NPHS1: variants seen among roughly 807,000 people sequenced by gnomAD.
The protein encoded by NPHS1 is nephrin.
NPHS1 carries 107 observed loss-of-function variants against 139.7 expected under a neutral mutation model. The observed-to-expected ratio is 0.77, with a 90% confidence interval of 0.66 to 0.90. The LOEUF (loss-of-function observed/expected upper bound fraction) is 0.90, where lower values mean the gene tolerates loss of function less well. NPHS1 is among the 40% of genes least tolerant of loss of function. NPHS1 has a pLI of 0.00. For missense variants in NPHS1, 1,580 were observed against 1,654.2 expected (o/e 0.96, Z 0.78); for synonymous variants, 707 against 706.6 (o/e 1.00, Z -0.01).
At position 35,851,659 on chromosome 19, in the gene NPHS1, C is replaced by T; in HGVS notation, c.72G>A (p.Leu24=). ...CCCGGGGAACGGAGGCAGGAATCGC[C>T]AACTGCGCCAGGCCTGAGGACACAG... ...LGLLTEGLAQ[L]AIPASVPRGF... is the part of the protein sequence containing the mutation. The change falls in exon 2 of 29, where the codon TTG becomes TTA. Residue 24 remains leucine, a synonymous_variant. Coordinates refer to ENST00000378910, the MANE Select transcript of NPHS1 (RefSeq NM_004646.4). The T allele has an allele frequency of 6.2e-7, 1 of 1,613,096 alleles. No individual in the cohort carries two copies. The highest frequency in any genetic ancestry group is 8.5e-7 in the Non-Finnish European group (1 of 1,179,616).
Position 35,851,481 on chromosome 19 carries a change from G to A in NPHS1, c.250C>T (p.Arg84Cys), listed in dbSNP as rs1168071834. Residue 84 changes from arginine (R) to cysteine (C), a missense_variant, in exon 2 of 29, where the codon CGC becomes TGC. Transcript: ENST00000378910. ...CCTCTAGCAGGGTCCCCTTCCAGGC[G>A]GTACCTCGGGAAGCCTGGGATCCTG... ...DPRIPGFPRYRLEGDPARGEF... is the reference protein window; with the variant it reads ...DPRIPGFPRYCLEGDPARGEF... 6 of 1,613,496 alleles carry A rather than the reference G, an allele frequency of 3.7e-6. No homozygotes were observed. Among genetic ancestry groups the A allele is most frequent in the East Asian group, 2.2e-5 (1 of 44,894 alleles).
At chr19:35,829,144 G>A (rs1972839627) in intron 28 of NPHS1, among the ~76,000 whole-genome samples, 1 of 152,224 alleles carries the variant, frequency 6.6e-6, no homozygotes, top group African/African-American at 2.4e-5. Context: ...TCTCAGCCCA[G>A]TGACCTGAGT....
intron 22 of NPHS1, 51 bp from the exon 23 acceptor site, chr19:35,835,812 G>A (rs1972949896): frequency 6.7e-7 from 1 of 1,493,406 alleles, no homozygotes. Context: ...TCTGAGATAA[G>A]CTTTAAATAT....
intron 25 of NPHS1, 25 bp downstream of exon 25, chr19:35,831,451 T>C (rs1023226403): frequency 6.2e-7 from 1 of 1,613,552 alleles, no homozygotes; most frequent in African/African-American, 1.3e-5. Context: ...CAGAGCCTTC[T>C]TTACAGAAAA....
At chr19:35,847,945 CTT>C in intron 11 of NPHS1, 94 bp downstream of exon 11, 2 of 1,362,752 alleles carry the variant, frequency 1.5e-6, no homozygotes, top group Non-Finnish European at 2.0e-6. Flanking sequence ...GAAATTTAAT[CTT>C]TTTCCAAGAT....
rs1318833389 is a variant in NPHS1, at chr19:35,845,444, G to A, written c.1854C>T (p.Gly618=). 6.2e-7 allele frequency: 1 copy of A among 1,614,066 alleles called. No homozygotes were observed. The highest frequency in any genetic ancestry group is 8.5e-7 in the Non-Finnish European group (1 of 1,180,040). The change falls in exon 14 of 29, where the codon GGC becomes GGT. Residue 618 remains glycine (G), a synonymous_variant. Coordinates refer to ENST00000378910, the MANE Select transcript of NPHS1 (RefSeq NM_004646.4). The surrounding 1 kb of genome is among the most constrained non-coding windows in gnomAD (Gnocchi z 5.5). ...TGTGGGCGCGGCAGGTCACGCGCTG[G>A]CCATGATCGCGGGATGACACTTGCA... ...VLLQVSSRDH[G]QRVTCRAHSA...
At chr19:35,847,667 C>T (rs1352593635) in intron 11 of NPHS1, among the ~76,000 whole-genome samples, 1 of 148,376 alleles carries the variant, frequency 6.7e-6, no homozygotes. Flanking sequence ...AATTTTACAG[C>T]ATTGTTTTTT....
At chr19:35,837,596 T>TCTCC (rs1038361404) in intron 22 of NPHS1, among the ~76,000 whole-genome samples, 1 of 152,012 alleles carries the variant, frequency 6.6e-6, no homozygotes, top group African/African-American at 2.4e-5. Flanking sequence ...TTTCTCTCTC[T>TCTCC]CTCTCTCTCT....
intron 16 of NPHS1, 135 bp downstream of exon 16, chr19:35,843,968 G>T (rs950282726): frequency 2.0e-5 from 26 of 1,269,502 alleles, no homozygotes; most frequent in Non-Finnish European, 2.6e-5. Flanking sequence ...GTTACACCGC[G>T]GCTGGGACTT....
chr19:35,844,863 G>A (rs1304704935), intron 14 of NPHS1, among the ~76,000 whole-genome samples: 1 of 152,142 alleles, frequency 6.6e-6, no homozygotes, highest in Admixed American at 6.5e-5. Context: ...AGTGGCTCAC[G>A]CCTATAATCC....
rs1254318671 is a variant in NPHS1 at position 35,845,406 on chromosome 19, C to T, written c.1892G>A (p.Arg631His). The T allele has an allele frequency of 1.2e-6, 2 of 1,614,112 alleles. No individual in the cohort carries two copies. The highest frequency in any genetic ancestry group is 1.7e-6 in the Non-Finnish European group (2 of 1,180,052). Reference protein sequence around the residue: ...VTCRAHSAELRETVSSFYRLN... With the variant: ...VTCRAHSAELHETVSSFYRLN... ...GCGATAGAAGGAGCTCACGGTTTCGCGGAGCTCGGCGCTGTGGGCGCGGCA... is the reference window on the plus strand; with the variant it reads ...GCGATAGAAGGAGCTCACGGTTTCGTGGAGCTCGGCGCTGTGGGCGCGGCA... The change falls in exon 14 of 29, where the codon CGC becomes CAC. Residue 631 changes from arginine to histidine, a missense_variant. Transcript: ENST00000378910. This position sits in a 1 kb window ranked among gnomAD's most constrained non-coding sequence, Gnocchi z 5.5.
At chr19:35,844,772 G>A (rs1447798604) in intron 14 of NPHS1, among the ~76,000 whole-genome samples, 1 of 152,156 alleles carries the variant, frequency 6.6e-6, no homozygotes, top group African/African-American at 2.4e-5. Context: ...CACGGGTCAG[G>A]ATGAAGGTCG....
chr19:35,833,088 T>G (rs1972906378), intron 23 of NPHS1, among the ~76,000 whole-genome samples: 1 of 151,444 alleles, frequency 6.6e-6, no homozygotes, highest in African/African-American at 2.4e-5. Flanking sequence ...GAGACGGAGT[T>G]TCGCCATGTT....
At chr19:35,840,312 G>A (rs978005869) in intron 20 of NPHS1, among the ~76,000 whole-genome samples, 8 of 149,990 alleles carry the variant, frequency 5.3e-5, no homozygotes, top group African/African-American at 2.0e-4. Context: ...GCATGGTTAG[G>A]TTTCTTTTCT....
In NPHS1 at chr19:35,845,321, T is replaced by A; in HGVS notation, c.1930+47A>T. 6.3e-7 allele frequency: 1 copy of A among 1,597,838 alleles called. No individual in the cohort carries two copies. Among genetic ancestry groups the A allele is most frequent in the Non-Finnish European group, 8.6e-7 (1 of 1,165,298 alleles). On this transcript the variant is annotated intron_variant, in intron 14 of 28. Transcript: ENST00000378910. This position sits in a 1 kb window ranked among gnomAD's most constrained non-coding sequence, Gnocchi z 5.5. ...AAAAGGTAAGACCCAAGGAGTAGTT[T>A]AGGGTCAAGAAGGCATCGAGAGGGG...
chr19:35,832,413 G>A (rs570583218), intron 23 of NPHS1, among the ~76,000 whole-genome samples: 1 of 152,154 alleles, frequency 6.6e-6, no homozygotes, highest in African/African-American at 2.4e-5. Flanking sequence ...GCATGGTGGT[G>A]CATGTCTATA....
intron 23 of NPHS1, among the ~76,000 whole-genome samples, chr19:35,833,569 A>G (rs1486082825): frequency 2.6e-5 from 4 of 152,238 alleles, no homozygotes; most frequent in African/African-American, 9.6e-5. Flanking sequence ...CTCTGATTGA[A>G]GAAACTCAGA....
In NPHS1 at chr19:35,850,452, G is replaced by T. The variant is rs762003783; in HGVS notation, c.527-7C>A. 1.2e-4 allele frequency: 187 copies of T among 1,613,330 alleles called. No individual in the cohort carries two copies. Among genetic ancestry groups the T allele is most frequent in the Non-Finnish European group, 1.6e-4 (185 of 1,179,414 alleles). On this transcript the variant is annotated splice_polypyrimidine_tract_variant and splice_region_variant and intron_variant, in intron 4 of 28. Transcript: ENST00000378910. Reference sequence around the variant, plus strand: ...TCAGATATTGTCTGTCCACCTTGGGGCAGCAAGAGGGCTAGAGGGGTTCCA... The same window carrying T: ...TCAGATATTGTCTGTCCACCTTGGGTCAGCAAGAGGGCTAGAGGGGTTCCA...
rs909573287 is a variant in NPHS1, at chr19:35,844,401, C to T, written c.1989G>A (p.Glu663=). 1.2e-5 allele frequency: 20 copies of T among 1,609,564 alleles called. No homozygotes were observed. In the East Asian group the frequency reaches 4.3e-4, roughly 34 times the overall value. The stretch of plus-strand genomic sequence containing the variant: ...CGGACACGGACACGGGCAGCAACGC[C>T]TCGCCCTGCTCCACCGCGGTCACCA... ...VLVVTAVEQG[E]ALLPVSVSAN... The change falls in exon 15 of 29, where the codon GAG becomes GAA. Residue 663 remains glutamate, a synonymous_variant. Coordinates refer to ENST00000378910, the MANE Select transcript of NPHS1 (RefSeq NM_004646.4).
Sources: allele counts gnomAD v4.1 joint callset (sites outside exome capture counted in the v4.1 genomes callset), GRCh38; gene constraint gnomAD v4.1.1; non-coding constraint Gnocchi (gnomAD v3.1); transcripts MANE v1.5; gene names NCBI Gene and HGNC (gene_info 2026-07-23, HGNC 2026-07-21).